The following NKD1 variants were observed in gnomAD, a reference collection of about 807,000 sequenced individuals.
NKD1 encodes the protein protein naked cuticle homolog 1.
Under a neutral mutation model 56.0 loss-of-function variants are expected in NKD1, and 21 were observed. That is an observed-to-expected ratio of 0.38 (90% CI 0.27 to 0.54). NKD1 has a LOEUF of 0.54. NKD1 is among the 20% of genes least tolerant of loss of function. The pLI, the probability that NKD1 is intolerant of heterozygous loss-of-function variation, is 0.82. For missense variants in NKD1, 578 were observed against 642.7 expected, an observed-to-expected ratio of 0.90 and a Z score of 1.09; for synonymous variants, 263 against 265.7, an observed-to-expected ratio of 0.99 and a Z score of 0.10.
In NKD1 at chr16:50,639,659, T is replaced by C. The variant is rs1962541425; in HGVS notation, c.*5878T>C. 1 of 152,218 alleles carries C rather than the reference T, an allele frequency of 6.6e-6. No homozygotes were observed. The highest frequency in any genetic ancestry group is 6.5e-5 in the Admixed American group (1 of 15,290). The allele number at this position is 152,218 out of a possible 1,614,324, so 9.4% of individuals were successfully genotyped here. A position where few individuals can be genotyped will look rare whatever the true frequency, so the allele number is the denominator to read the frequency against. ...AGAGCCCTCTGTGTTTGGGCTGAGT[T>C]CTTTCTCTAGTTGCCCTGTCATCTG... On this transcript the variant is annotated 3_prime_UTR_variant, in exon 10 of 10. Coordinates refer to ENST00000268459, the MANE Select transcript of NKD1 (RefSeq NM_033119.5).
At chr16:50,566,977 G>C (rs989343363) in intron 3 of NKD1, among the ~76,000 whole-genome samples, 2 of 151,582 alleles carry the variant, frequency 1.3e-5, no homozygotes, top group African/African-American at 4.9e-5. Context: ...ATGGCCCCAG[G>C]TTAGGAACTC....
chr16:50,621,868 G>A (rs892987933), intron 5 of NKD1, among the ~76,000 whole-genome samples, 160 bp downstream of exon 5: 11 of 151,924 alleles, frequency 7.2e-5, no homozygotes, highest in East Asian at 1.9e-4. Context: ...ATCTGGGGCC[G>A]TCCTGGCTCA....
chr16:50,589,904 A>G (rs1247095515), intron 3 of NKD1, among the ~76,000 whole-genome samples: 1 of 149,958 alleles, frequency 6.7e-6, no homozygotes, highest in African/African-American at 2.5e-5. Flanking sequence ...CTGGAGTGCA[A>G]TGGCACCATC....
chr16:50,548,890 C>A (rs1022670761), intron 2 of NKD1, 141 bp downstream of exon 2: 15 of 1,137,418 alleles, frequency 1.3e-5, no homozygotes, highest in Admixed American at 4.2e-5. Flanking sequence ...AAGCCCGCTC[C>A]CTGAGCAGCC....
At chr16:50,568,125 AT>A (rs1183022587) in intron 3 of NKD1, among the ~76,000 whole-genome samples, 2 of 152,160 alleles carry the variant, frequency 1.3e-5, no homozygotes, top group African/African-American at 4.8e-5. Context: ...GGTGGGCTGC[AT>A]TTTTTTGGAG....
At chr16:50,576,183 C>T (rs1960990454) in intron 3 of NKD1, among the ~76,000 whole-genome samples, 2 of 152,170 alleles carry the variant, frequency 1.3e-5, no homozygotes, top group African/African-American at 4.8e-5. Flanking sequence ...TCCTGAGGGT[C>T]CCACCCAGGC....
chr16:50,572,851 C>G, intron 3 of NKD1: 2 of 983,448 alleles, frequency 2.0e-6, no homozygotes, highest in African/African-American at 3.5e-5. Context: ...GAGTGCTGAC[C>G]AAAGTCAGTC....
intron 3 of NKD1, among the ~76,000 whole-genome samples, chr16:50,591,394 CTT>C (rs1474749511): frequency 6.6e-6 from 1 of 152,214 alleles, no homozygotes; most frequent in African/African-American, 2.4e-5. Context: ...CCTCAAAATA[CTT>C]TTGCCTCCTG....
chr16:50,553,952 G>A (rs1286632104), intron 3 of NKD1: 1 of 152,422 alleles, frequency 6.6e-6, no homozygotes, highest in African/African-American at 2.4e-5. Flanking sequence ...GCTGGGGAGT[G>A]GGGGGACCTT....
At position 50,568,292 on chromosome 16, in the gene NKD1, G is replaced by A. The variant is rs896669961; in HGVS notation, c.192+18737G>A. Among the ~76,000 whole-genome samples the A allele has an allele frequency of 5.3e-5, 8 of 152,216 alleles. 1 individual carries two copies. The highest frequency in any genetic ancestry group is 4.6e-4 in the Admixed American group (7 of 15,282). On this transcript the variant is annotated intron_variant, in intron 3 of 9. Transcript: ENST00000268459. Reference sequence around the variant, plus strand: ...CAGGGAAGAGACGTGGTTAGCACTGGGCTTGAAACCAGGACCGCATATCAG... The same window carrying A: ...CAGGGAAGAGACGTGGTTAGCACTGAGCTTGAAACCAGGACCGCATATCAG...
intron 4 of NKD1, among the ~76,000 whole-genome samples, chr16:50,620,602 T>C (rs1962064255): frequency 6.6e-6 from 1 of 152,130 alleles, no homozygotes; most frequent in South Asian, 2.1e-4. Context: ...AGGAATCAGA[T>C]GAGAGGAGCT....
chr16:50,608,368 G>T lies in NKD1; in HGVS notation c.259+8G>T. 6.2e-7 allele frequency: 1 copy of T among 1,604,204 alleles called. No individual in the cohort carries two copies. ...ACGACTTTCGGCTGGAAGGTATTCGGAGTCCATTGCTCTCTTCCCAGCAGC... is the reference window on the plus strand; with the variant it reads ...ACGACTTTCGGCTGGAAGGTATTCGTAGTCCATTGCTCTCTTCCCAGCAGC... On this transcript the variant is annotated splice_region_variant and intron_variant, in intron 4 of 9. Transcript: ENST00000268459.
chr16:50,586,292 A>G (rs184677732), intron 3 of NKD1, among the ~76,000 whole-genome samples: 71 of 150,076 alleles, frequency 4.7e-4, no homozygotes, highest in African/African-American at 1.7e-3. Context: ...GTGGTGGCCC[A>G]CTGGTGAGTG....
At chr16:50,574,311 T>G in intron 3 of NKD1, 1 of 985,352 alleles carries the variant, frequency 1.0e-6, no homozygotes, top group Non-Finnish European at 1.2e-6. Context: ...AATGTGGGTG[T>G]GAGTCAGAAC....
At chr16:50,571,295 G>A (rs1960877564) in intron 3 of NKD1, among the ~76,000 whole-genome samples, 1 of 152,208 alleles carries the variant, frequency 6.6e-6, no homozygotes, top group South Asian at 2.1e-4. Flanking sequence ...GCCTCCTGTG[G>A]GGAGATGTGA....
At chr16:50,562,053 C>T (rs1960645949) in intron 3 of NKD1, among the ~76,000 whole-genome samples, 1 of 152,194 alleles carries the variant, frequency 6.6e-6, no homozygotes, top group Non-Finnish European at 1.5e-5. Context: ...CTTACAAGAA[C>T]ATTCATGGCT....
intron 3 of NKD1, among the ~76,000 whole-genome samples, chr16:50,554,646 T>A (rs768077247): frequency 2.0e-5 from 3 of 152,188 alleles, no homozygotes; most frequent in South Asian, 2.1e-4. Flanking sequence ...ATTATTATTA[T>A]TTTTTAGACA....
intron 3 of NKD1, chr16:50,552,315 C>T (rs1318545203): frequency 1.3e-5 from 2 of 152,284 alleles, no homozygotes; most frequent in Non-Finnish European, 2.9e-5. Context: ...CTTTCTGGAG[C>T]ACTTTCTAGG....
At chr16:50,605,612 T>G (rs1961690028) in intron 3 of NKD1, among the ~76,000 whole-genome samples, 1 of 152,210 alleles carries the variant, frequency 6.6e-6, no homozygotes, top group Non-Finnish European at 1.5e-5. Context: ...AACAACCATC[T>G]CCATAGCATT....
Sources: allele counts gnomAD v4.1 joint callset (sites outside exome capture counted in the v4.1 genomes callset), GRCh38; gene constraint gnomAD v4.1.1; transcripts MANE v1.5; gene names NCBI Gene and HGNC (gene_info 2026-07-23, HGNC 2026-07-21).